Variants in LCOR observed in about 807,000 individuals in gnomAD.
LCOR encodes ligand dependent nuclear receptor corepressor.
LCOR carries 14 observed loss-of-function variants against 64.4 expected under a neutral mutation model. The observed-to-expected ratio is 0.22, with a 90% confidence interval of 0.14 to 0.34. The LOEUF is 0.34. LCOR is among the 10% of genes least tolerant of loss of function. The pLI is 1.00. For missense variants in LCOR, 1,686 were observed against 1,765.3 expected, an observed-to-expected ratio of 0.96 and a Z score of 0.80; for synonymous variants, 643 against 642.5, an observed-to-expected ratio of 1.00 and a Z score of -0.01.
At chr10:96,834,918 T>G (rs1237935100) in intron 2 of LCOR, among the ~76,000 whole-genome samples, 1 of 152,222 alleles carries the variant, frequency 6.6e-6, no homozygotes. Context: ...TTTTCTTTAT[T>G]GAGACGGAGT....
chr10:96,984,099 C>G lies in LCOR; in HGVS notation c.3639C>G (p.Val1213=). Reference sequence around the variant, plus strand: ...GCCTTCCAGGAGACGTTCCCCCTGTCAAGCATCCTCTTCAGAAATACGCTC... The same window carrying G: ...GCCTTCCAGGAGACGTTCCCCCTGTGAAGCATCCTCTTCAGAAATACGCTC... ...NTRLPGDVPP[V]KHPLQKYAPS... The change falls in exon 8 of 8, where the codon GTC becomes GTG. Residue 1213 remains valine (V), a synonymous_variant. Coordinates refer to ENST00000421806, the MANE Select transcript of LCOR (RefSeq NM_001346516.2). 6.2e-7 allele frequency: 1 copy of G among 1,614,150 alleles called. No individual in the cohort carries two copies. The highest frequency in any genetic ancestry group is 1.3e-5 in the African/African-American group (1 of 75,056).
At chr10:96,846,079 C>T (rs1282349138) in intron 2 of LCOR, among the ~76,000 whole-genome samples, 2 of 151,858 alleles carry the variant, frequency 1.3e-5, no homozygotes, top group African/African-American at 2.4e-5. Context: ...TGGTGGTGTA[C>T]AGCTGTAATC....
chr10:96,971,040 T>TG (rs1847995082), intron 7 of LCOR, among the ~76,000 whole-genome samples: 1 of 152,258 alleles, frequency 6.6e-6, no homozygotes, highest in African/African-American at 2.4e-5. Flanking sequence ...ATGTGTGTAC[T>TG]GGGTCACTTT....
At chr10:96,949,324 T>A in intron 6 of LCOR, 29 bp downstream of exon 6, 1 of 1,604,392 alleles carries the variant, frequency 6.2e-7, no homozygotes, top group Non-Finnish European at 8.5e-7. Flanking sequence ...GTCTCCTCTA[T>A]CTTATCAGAA....
At chr10:96,832,905 T>C (rs1321296210) in intron 1 of LCOR, 1 of 817,730 alleles carries the variant, frequency 1.2e-6, no homozygotes, top group African/African-American at 1.9e-5. Context: ...CGCCCCCGGG[T>C]CTGCGTGCAC....
chr10:96,955,580 C>A (rs1257431072), intron 7 of LCOR: 1 of 1,614,144 alleles, frequency 6.2e-7, no homozygotes, highest in Admixed American at 1.7e-5. Context: ...AGCAGTCTAC[C>A]TCTGGACAGC....
intron 2 of LCOR, among the ~76,000 whole-genome samples, chr10:96,861,477 T>C (rs1214304710): frequency 1.3e-5 from 2 of 152,176 alleles, no homozygotes; most frequent in Non-Finnish European, 2.9e-5. Flanking sequence ...ACGTGGGTTT[T>C]TTCCCCCACC....
chr10:96,870,514 A>G (rs569444832), intron 2 of LCOR, among the ~76,000 whole-genome samples: 3 of 152,346 alleles, frequency 2.0e-5, no homozygotes, highest in Non-Finnish European at 4.4e-5. Context: ...AGACACAAAG[A>G]GTAGCTCAGA....
At position 96,981,063 on chromosome 10, in the gene LCOR, T is replaced by C. The variant is rs567194618; in HGVS notation, c.603T>C (p.Ala201=). The C allele has an allele frequency of 1.0e-4, 73 of 703,070 alleles. No individual in the cohort carries two copies. In the African/African-American group the frequency reaches 1.1e-3, roughly 11 times the overall value. The allele number at this position is 703,070 out of a possible 1,614,324, so 43.6% of individuals were successfully genotyped here. ...DALCLDMKSS[A]SVDLFVDSSD... ...TGTGTCTCGATATGAAGTCTTCTGC[T>C]TCTGTAGATTTGTTCGTAGACTCGT... Residue 201 remains alanine, a synonymous_variant, in exon 8 of 8, where the codon GCT becomes GCC. Transcript: ENST00000421806.
rs921746741 is a variant in LCOR at position 96,920,790 on chromosome 10, A to G, written c.-184+13043A>G. Among the ~76,000 whole-genome samples the G allele has an allele frequency of 1.8e-3, 155 of 85,330 alleles. 6 individuals are homozygous for G. Among genetic ancestry groups the G allele is most frequent in the African/African-American group, 9.9e-3 (140 of 14,162 alleles). 56.0% of individuals were successfully genotyped at this position (85,330 alleles called of 152,430 possible). ...CACACACACACACACACACACACACACGCGCGGTGGGGGGGTGGTGGGCGG... is the reference window on the plus strand; with the variant it reads ...CACACACACACACACACACACACACGCGCGCGGTGGGGGGGTGGTGGGCGG... On this transcript the variant is annotated intron_variant, in intron 4 of 7. Transcript: ENST00000421806.
intron 4 of LCOR, among the ~76,000 whole-genome samples, chr10:96,927,428 CT>C (rs1444645520): frequency 6.6e-6 from 1 of 151,600 alleles, no homozygotes; most frequent in African/African-American, 2.4e-5. Context: ...TGAGGCTTGT[CT>C]TTTTCTTTGC....
intron 2 of LCOR, among the ~76,000 whole-genome samples, chr10:96,874,994 T>C (rs182088667): frequency 2.0e-5 from 3 of 152,174 alleles, no homozygotes; most frequent in Non-Finnish European, 4.4e-5. Context: ...TCCAGACATC[T>C]TTTCTTGGAA....
chr10:96,894,363 C>T (rs1312726171), intron 2 of LCOR, among the ~76,000 whole-genome samples: 1 of 152,156 alleles, frequency 6.6e-6, no homozygotes, highest in Non-Finnish European at 1.5e-5. Flanking sequence ...AGGCATGAGC[C>T]ACCGCATCCG....
intron 2 of LCOR, among the ~76,000 whole-genome samples, chr10:96,868,475 T>C (rs10882852): frequency 0.062 from 9,307 of 151,134 alleles, 604 homozygotes; most frequent in East Asian, 0.28. Flanking sequence ...GGGGTTTCAC[T>C]GTGTTAGCCA....
At chr10:96,964,285 C>G (rs1448162522) in intron 7 of LCOR, 1 of 141,084 alleles carries the variant, frequency 7.1e-6, no homozygotes, top group South Asian at 2.4e-4. Context: ...CTTGTTCTTT[C>G]GTGCATGTGT....
chr10:96,905,608 C>T (rs1394149763), intron 2 of LCOR, among the ~76,000 whole-genome samples: 1 of 151,870 alleles, frequency 6.6e-6, no homozygotes, highest in Non-Finnish European at 1.5e-5. Context: ...CACAGCCCTA[C>T]CCCAACCCTT....
At chr10:96,954,425 G>C (rs1192070691) in intron 7 of LCOR, among the ~76,000 whole-genome samples, 1 of 125,082 alleles carries the variant, frequency 8.0e-6, no homozygotes, top group Admixed American at 1.1e-4. Flanking sequence ...CAACTTGTTT[G>C]TGGGATAAAT....
chr10:96,941,211 G>T (rs1260862152), intron 4 of LCOR, among the ~76,000 whole-genome samples: 2 of 134,540 alleles, frequency 1.5e-5, no homozygotes, highest in African/African-American at 2.9e-5. Flanking sequence ...CCTCCCTCCC[G>T]GACGGGGCGG....
Position 96,982,899 on chromosome 10 carries a change from T to A in LCOR, c.2439T>A (p.Ser813=), listed in dbSNP as rs750068532. 3 of 1,614,130 alleles carry A rather than the reference T, an allele frequency of 1.9e-6. No individual in the cohort carries two copies. Among genetic ancestry groups the A allele is most frequent in the Non-Finnish European group, 2.5e-6 (3 of 1,180,028 alleles). Residue 813 remains serine (S), a synonymous_variant, in exon 8 of 8, where the codon TCT becomes TCA. Transcript: ENST00000421806. ...KKKGKKFPEA[S]DRCLRSQLSD... is the part of the protein sequence containing the mutation. ...AAGGTAAAAAATTCCCTGAGGCCTC[T>A]GATAGGTGCCTAAGAAGTCAACTTT...
Sources: gnomAD v4.1 joint callset for allele counts (sites outside exome capture counted in the v4.1 genomes callset) on GRCh38, gnomAD v4.1.1 for gene constraint, MANE v1.5 for transcripts, NCBI Gene and HGNC (gene_info 2026-07-23, HGNC 2026-07-21) for gene names.